The following FREM3 variants were observed in gnomAD, a reference collection of about 807,000 sequenced individuals.
FREM3 encodes FRAS1 related extracellular matrix 3.
FREM3 carries 105 observed loss-of-function variants against 129.1 expected under a neutral mutation model. The ratio of observed to expected loss-of-function variants is 0.81; its 90% CI spans 0.69 to 0.96. The LOEUF is 0.96. Ranked by LOEUF, FREM3 falls within the 40% of genes least tolerant of loss-of-function variation. The pLI, the probability that FREM3 is intolerant of heterozygous loss-of-function variation, is 0.00. For missense variants in FREM3, 2,593 were observed against 2,666.3 expected (o/e 0.97, Z 0.61); for synonymous variants, 1,014 against 1,044.9 (o/e 0.97, Z 0.57).
Position 143,699,488 on chromosome 4 carries a change from G to A in FREM3, c.1188C>T (p.Ser396=), listed in dbSNP as rs1740650816. ...CCAGCTGAAAGAGGCGCTCCCCATG[G>A]GAGTTCTCTGCAGGGGGCTGATAGG... is the stretch of plus-strand genomic sequence containing the variant. The part of the protein sequence containing the change: ...KIAYQPPAEN[S]HGERLFQLEL... The change falls in exon 1 of 8, where the codon TCC becomes TCT. Residue 396 remains serine, a synonymous_variant. Coordinates refer to ENST00000329798, the MANE Select transcript of FREM3 (RefSeq NM_001168235.2). This position sits in a 1 kb window ranked among gnomAD's most constrained non-coding sequence, Gnocchi z 4.2. 7.8e-6 allele frequency: 12 copies of A among 1,537,298 alleles called. No homozygotes were observed. The highest frequency in any genetic ancestry group is 9.6e-6 in the Non-Finnish European group (11 of 1,146,932).
chr4:143,605,007 G>A (rs578017479), intron 6 of FREM3, among the ~76,000 whole-genome samples: 394 of 152,252 alleles, frequency 2.6e-3, no homozygotes, highest in African/African-American at 9.1e-3. Flanking sequence ...AAATTGGGTA[G>A]GATAGAAGGC....
intron 2 of FREM3, among the ~76,000 whole-genome samples, chr4:143,663,213 A>C (rs1301693567): frequency 1.3e-5 from 2 of 152,052 alleles, no homozygotes; most frequent in African/African-American, 4.8e-5. Context: ...ATTTTGCAGC[A>C]GCTGGTACCG....
At chr4:143,629,544 G>A (rs750570249) in intron 2 of FREM3, among the ~76,000 whole-genome samples, 46 of 152,106 alleles carry the variant, frequency 3.0e-4, no homozygotes, top group Middle Eastern at 3.4e-3. Context: ...AGACAAAAGC[G>A]CTCAAAATCC....
At chr4:143,631,800 G>A (rs1231858942) in intron 2 of FREM3, among the ~76,000 whole-genome samples, 2 of 152,040 alleles carry the variant, frequency 1.3e-5, no homozygotes, top group Non-Finnish European at 2.9e-5. Context: ...CAGACTGAAG[G>A]AAACTTACAA....
At chr4:143,599,133 T>C (rs1187428083) in intron 6 of FREM3, among the ~76,000 whole-genome samples, 1 of 152,176 alleles carries the variant, frequency 6.6e-6, no homozygotes, top group Non-Finnish European at 1.5e-5. Context: ...TCTTCTGCCA[T>C]CTTGCTCAGA....
chr4:143,632,047 C>A (rs1739149563), intron 2 of FREM3, among the ~76,000 whole-genome samples: 1 of 152,076 alleles, frequency 6.6e-6, no homozygotes, highest in Admixed American at 6.6e-5. Flanking sequence ...CCAGAATTCT[C>A]TTGTAGATCT....
chr4:143,636,333 C>CAA (rs35792262), intron 2 of FREM3, among the ~76,000 whole-genome samples: 32 of 81,416 alleles, frequency 3.9e-4, no homozygotes, highest in South Asian at 1.2e-3. Flanking sequence ...GCAGCCTGTC[C>CAA]AAAAAAAAAA....
intron 6 of FREM3, among the ~76,000 whole-genome samples, chr4:143,609,788 C>T (rs1449093322): frequency 3.9e-5 from 6 of 152,142 alleles, no homozygotes; most frequent in African/African-American, 7.2e-5. Flanking sequence ...GATGTCTCAA[C>T]CAGACAAATT....
chr4:143,695,832 G>C lies in FREM3; in HGVS notation c.4844C>G (p.Thr1615Ser). 6.5e-7 allele frequency: 1 copy of C among 1,537,338 alleles called. No individual in the cohort carries two copies. Among genetic ancestry groups the C allele is most frequent in the Non-Finnish European group, 8.7e-7 (1 of 1,146,936 alleles). ...LISYKHDGSE[T>S]TEDSFSLTVT... ...AGTCAAGGAGAAACTATCTTCAGTG[G>C]TCTCACTGCCGTCATGCTTGTAGCT... Residue 1615 changes from threonine (T) to serine (S), a missense_variant, in exon 1 of 8, where the codon ACC becomes AGC. By Grantham distance (58) the Thr-to-Ser change is moderately conservative. This residue lies in a region of FREM3 where 2,276 missense variants were observed against 2,267.2 expected (regional missense o/e 1.00). Transcript: ENST00000329798.
intron 2 of FREM3, among the ~76,000 whole-genome samples, chr4:143,663,212 C>T (rs1388838557): frequency 1.3e-5 from 2 of 152,058 alleles, no homozygotes; most frequent in Non-Finnish European, 2.9e-5. Flanking sequence ...GATTTTGCAG[C>T]AGCTGGTACC....
rs557359112 is a variant in FREM3 at position 143,592,870 on chromosome 4, GT to G, written c.6029-6878del. Among the ~76,000 whole-genome samples the G allele has an allele frequency of 6.9e-3, 1,056 of 152,282 alleles. 16 individuals are homozygous for G. Among genetic ancestry groups the G allele is most frequent in the African/African-American group, 0.024 (1,018 of 41,566 alleles). On this transcript the variant is annotated intron_variant, in intron 6 of 7. Transcript: ENST00000329798. ...GTTCCATTCTCCCCGTCACTTTCAG[GT>G]ACACCAGTCAGACGTAGATTTGGTC...
chr4:143,676,050 C>A (rs909575984), intron 2 of FREM3, among the ~76,000 whole-genome samples: 2 of 152,188 alleles, frequency 1.3e-5, no homozygotes, highest in East Asian at 3.8e-4. Context: ...ATGAAGCCAG[C>A]ATTATCCTGA....
intron 5 of FREM3, among the ~76,000 whole-genome samples, chr4:143,616,891 G>C (rs540077981): frequency 2.0e-5 from 3 of 152,168 alleles, no homozygotes; most frequent in Non-Finnish European, 4.4e-5. Flanking sequence ...GTGGGGCGAG[G>C]TCCATGGCTT....
intron 6 of FREM3, among the ~76,000 whole-genome samples, chr4:143,610,057 A>G (rs1243017476): frequency 6.6e-6 from 1 of 152,212 alleles, no homozygotes; most frequent in Non-Finnish European, 1.5e-5. Flanking sequence ...TCCAATGAAG[A>G]AATTTTTGAA....
At chr4:143,646,491 T>C (rs1241184512) in intron 2 of FREM3, among the ~76,000 whole-genome samples, 3 of 152,134 alleles carry the variant, frequency 2.0e-5, no homozygotes, top group Non-Finnish European at 4.4e-5. Flanking sequence ...AATTGAATCA[T>C]GGGGGCAGTT....
Position 143,696,234 on chromosome 4 carries a change from T to TC in FREM3, c.4441dup (p.Glu1481GlyfsTer13). On this transcript the variant is annotated frameshift_variant, in exon 1 of 8. Transcript: ENST00000329798. LOFTEE classifies it high-confidence loss of function. ...AAGTTGAGTGAAAGAGGCAATGGGT[T>TC]CCCCAGCATAGTCAGAACTTTCTAA... is the stretch of plus-strand genomic sequence containing the variant. 2.0e-6 allele frequency: 3 copies of TC among 1,537,872 alleles called. No individual in the cohort carries two copies. The highest frequency in any genetic ancestry group is 2.6e-6 in the Non-Finnish European group (3 of 1,147,064).
In FREM3 at chr4:143,577,588, G is replaced by A; in HGVS notation, c.*23C>T. On this transcript the variant is annotated 3_prime_UTR_variant, in exon 8 of 8. Transcript: ENST00000329798. Reference sequence around the variant, plus strand: ...TGTTGTTAGGAGACATATCTTGGCTGTTTTTTTCCCTCTTAAAGTCTTTCA... The same window carrying A: ...TGTTGTTAGGAGACATATCTTGGCTATTTTTTTCCCTCTTAAAGTCTTTCA... The A allele has an allele frequency of 6.5e-7, 1 of 1,528,398 alleles. No homozygotes were observed. Among genetic ancestry groups the A allele is most frequent in the East Asian group, 2.5e-5 (1 of 40,798 alleles). The allele number at this position is 1,528,398 out of a possible 1,614,324, so 94.7% of individuals were successfully genotyped here. A position where few individuals can be genotyped will look rare whatever the true frequency, so the allele number is the denominator to read the frequency against.
chr4:143,693,210 A>G lies in FREM3; in HGVS notation c.5186-8T>C. 1 of 1,456,858 alleles carries G rather than the reference A, an allele frequency of 6.9e-7. No individual in the cohort carries two copies. The highest frequency in any genetic ancestry group is 9.2e-7 in the Non-Finnish European group (1 of 1,092,502). 90.2% of individuals were successfully genotyped at this position (1,456,858 alleles called of 1,614,324 possible). ...TCATCTCATCAATGTCAGCTAAAAA[A>G]AAAGCAACCATCACACAAAGTCATA... On this transcript the variant is annotated splice_polypyrimidine_tract_variant and splice_region_variant and intron_variant, in intron 1 of 7. Transcript: ENST00000329798.
At chr4:143,689,654 G>T (rs1740429941) in intron 2 of FREM3, among the ~76,000 whole-genome samples, 1 of 151,576 alleles carries the variant, frequency 6.6e-6, no homozygotes. Context: ...ATAAACGAGT[G>T]GATAAAGAAA....
Sources: allele counts gnomAD v4.1 joint callset (sites outside exome capture counted in the v4.1 genomes callset), GRCh38; gene constraint gnomAD v4.1.1; regional missense constraint gnomAD v4.1.1; non-coding constraint Gnocchi (gnomAD v3.1); transcripts MANE v1.5; gene names NCBI Gene and HGNC (gene_info 2026-07-23, HGNC 2026-07-21).